The following CUX1 variants were observed in gnomAD, a reference collection of about 807,000 sequenced individuals.
The protein encoded by CUX1 is cut like homeobox 1.
CUX1 carries 31 observed loss-of-function variants against 158.8 expected under a neutral mutation model. The observed-to-expected ratio is 0.20, with a 90% confidence interval of 0.15 to 0.26. The LOEUF (loss-of-function observed/expected upper bound fraction) is 0.26, where lower values mean the gene tolerates loss of function less well. Ranked by LOEUF, CUX1 falls within the 10% of genes least tolerant of loss-of-function variation. The probability of loss-of-function intolerance (pLI) is 1.00; values close to 1 mark genes in which losing one functional copy is unlikely to be tolerated. For synonymous variants in CUX1, 879 were observed against 862.1 expected (o/e 1.02, Z -0.34); for missense variants, 1,589 against 2,014.6 (o/e 0.79, Z 4.04).
intron 2 of CUX1, among the ~76,000 whole-genome samples, chr7:101,946,353 G>A (rs1481206893): frequency 1.3e-5 from 2 of 152,052 alleles, no homozygotes; most frequent in African/African-American, 4.8e-5. Flanking sequence ...AGACCAACCT[G>A]GCCAACGTGG....
chr7:101,926,656 G>C (rs1055825014), intron 2 of CUX1, among the ~76,000 whole-genome samples: 1 of 152,210 alleles, frequency 6.6e-6, no homozygotes, highest in African/African-American at 2.4e-5. Context: ...CCTGGAGGCT[G>C]AATGTCCAGT....
At chr7:101,825,433 G>C (rs565849866) in intron 1 of CUX1, among the ~76,000 whole-genome samples, 13 of 152,310 alleles carry the variant, frequency 8.5e-5, no homozygotes, top group South Asian at 4.1e-4. Context: ...AGTCACCGAT[G>C]AGCCTGGAGG....
At chr7:101,956,138 CAAAAAAAA>C (rs11462111) in intron 2 of CUX1, among the ~76,000 whole-genome samples, 6 of 64,980 alleles carry the variant, frequency 9.2e-5, no homozygotes, top group Non-Finnish European at 1.3e-4. Flanking sequence ...GCCCACGTCT[CAAAAAAAA>C]AAAAAAAAAA....
chr7:102,071,307 T>C (rs1826101787), intron 4 of CUX1, among the ~76,000 whole-genome samples: 1 of 152,142 alleles, frequency 6.6e-6, no homozygotes, highest in African/African-American at 2.4e-5. Flanking sequence ...TTAAATATGT[T>C]TGTGAGGCAT....
intron 20 of CUX1, among the ~76,000 whole-genome samples, chr7:102,223,410 G>A (rs1184791576): frequency 2.0e-5 from 3 of 152,118 alleles, no homozygotes; most frequent in Non-Finnish European, 2.9e-5. Context: ...TTGACTGTAG[G>A]TCTTTATAGA....
chr7:101,958,431 G>A (rs1810027565), intron 2 of CUX1, among the ~76,000 whole-genome samples: 1 of 151,880 alleles, frequency 6.6e-6, no homozygotes, highest in South Asian at 2.1e-4. Flanking sequence ...TGGTTCAGTG[G>A]GAGGAGTAAC....
intron 17 of CUX1, chr7:102,277,823 C>A: frequency 1.9e-6 from 1 of 517,352 alleles, no homozygotes; most frequent in Non-Finnish European, 3.4e-6. Context: ...GAAGGGGCAG[C>A]TTTACAGAGT....
chr7:101,993,823 G>A (rs1265482438), intron 2 of CUX1, among the ~76,000 whole-genome samples: 2 of 152,078 alleles, frequency 1.3e-5, no homozygotes, highest in East Asian at 1.9e-4. Flanking sequence ...GGCTGTTTGA[G>A]CCACCCCTTC....
intron 22 of CUX1, among the ~76,000 whole-genome samples, chr7:102,235,796 A>ATG (rs1799500044): frequency 8.2e-6 from 1 of 122,662 alleles, no homozygotes; most frequent in Admixed American, 9.5e-5. Flanking sequence ...ACACACACAC[A>ATG]CACGCGCACA....
At chr7:102,022,705 T>C (rs1819526926) in intron 2 of CUX1, among the ~76,000 whole-genome samples, 1 of 152,158 alleles carries the variant, frequency 6.6e-6, no homozygotes, top group Non-Finnish European at 1.5e-5. Context: ...TGCTGTGTAC[T>C]CAAAGGAGAG....
At chr7:102,048,701 C>T (rs1823130573) in intron 3 of CUX1, among the ~76,000 whole-genome samples, 1 of 152,068 alleles carries the variant, frequency 6.6e-6, no homozygotes, top group Admixed American at 6.6e-5. Context: ...TGGTGGCACA[C>T]GCCTGTCATC....
intron 10 of CUX1, among the ~76,000 whole-genome samples, chr7:102,173,920 A>G (rs1792011352): frequency 6.6e-6 from 1 of 152,082 alleles, no homozygotes; most frequent in African/African-American, 2.4e-5. Flanking sequence ...AACATAGGAA[A>G]CTGGGCCAGC....
At chr7:102,056,970 C>T (rs1167861087) in intron 3 of CUX1, among the ~76,000 whole-genome samples, 3 of 150,348 alleles carry the variant, frequency 2.0e-5, no homozygotes, top group African/African-American at 7.4e-5. Context: ...GGTGCGATCT[C>T]GGCTCACTGC....
chr7:102,267,898 G>A (rs1790926941), intron 14 of CUX1, among the ~76,000 whole-genome samples: 1 of 93,144 alleles, frequency 1.1e-5, no homozygotes, highest in African/African-American at 5.4e-5. Flanking sequence ...AAACACCTGA[G>A]CTCCAGCGAT....
In CUX1 at chr7:102,198,918, C is replaced by T. The variant is rs376919187; in HGVS notation, c.1960+51C>T. ...TGCAGTCAGTCACCTAGGGAAGCAG[C>T]ATGTCCTTAGCTGTGTATTTGGGTT... On this transcript the variant is annotated intron_variant, in intron 16 of 23. Transcript: ENST00000292535. 2.6e-6 allele frequency: 4 copies of T among 1,510,948 alleles called. No individual in the cohort carries two copies. In the African/African-American group the frequency reaches 5.5e-5, roughly 21 times the overall value. 93.6% of individuals were successfully genotyped at this position (1,510,948 alleles called of 1,614,324 possible). A position where few individuals can be genotyped will look rare whatever the true frequency, so the allele number is the denominator to read the frequency against.
At chr7:101,976,900 A>ATTTTTTTTTTTTTTTTTTTTTTTTTTTT (rs10643207) in intron 2 of CUX1, among the ~76,000 whole-genome samples, 1 of 39,460 alleles carries the variant, frequency 2.5e-5, no homozygotes, top group Non-Finnish European at 4.2e-5. Flanking sequence ...TCCCTTTCTG[A>ATTTTTTTTTTTTTTTTTTTTTTTTTTTT]TTTTTTTTTT....
intron 10 of CUX1, among the ~76,000 whole-genome samples, chr7:102,172,290 C>T (rs1380417512): frequency 6.6e-6 from 1 of 151,928 alleles, no homozygotes; most frequent in East Asian, 1.9e-4. Flanking sequence ...TGGGGTTTTG[C>T]CACATTGCCC....
chr7:102,248,670 C>T lies in CUX1; in HGVS notation c.4146C>T (p.Gly1382=), dbSNP rs1285363234. ...AGCCGCCGCCCTCGGGGACCCCGGG[C>T]CCGGACGACGCCCGCGACGACGACC... ...QTEPPPSGTP[G]PDDARDDDHE... The change falls in exon 24 of 24, where the codon GGC becomes GGT. Residue 1382 remains glycine, a synonymous_variant. Transcript: ENST00000292535. This position sits in a 1 kb window ranked among gnomAD's most constrained non-coding sequence, Gnocchi z 5.8. The T allele has an allele frequency of 4.5e-6, 6 of 1,322,266 alleles. No homozygotes were observed. The highest frequency in any genetic ancestry group is 3.9e-6 in the Non-Finnish European group (4 of 1,036,348). The allele number at this position is 1,322,266 out of a possible 1,614,324, so 81.9% of individuals were successfully genotyped here.
In CUX1 at chr7:101,906,494, A is replaced by T. The variant is rs536214042; in HGVS notation, c.31-9621A>T. Among the ~76,000 whole-genome samples, 24 of 152,114 alleles carry T rather than the reference A, an allele frequency of 1.6e-4. No individual in the cohort carries two copies. In the South Asian group the frequency reaches 4.2e-3, roughly 26 times the overall value. On this transcript the variant is annotated intron_variant, in intron 1 of 23. Coordinates refer to ENST00000292535, the MANE Select transcript of CUX1 (RefSeq NM_181552.4). ...GACACTAGGGGAACGTCAGCATGCC[A>T]GGTCAGGGTTCTGGGGAGCCCTGGG...
Sources: gnomAD v4.1 joint callset for allele counts (sites outside exome capture counted in the v4.1 genomes callset) on GRCh38, gnomAD v4.1.1 for gene constraint, Gnocchi (gnomAD v3.1) non-coding constraint, MANE v1.5 for transcripts, NCBI Gene and HGNC (gene_info 2026-07-23, HGNC 2026-07-21) for gene names.